The following WDR41 variants were observed in gnomAD, a reference collection of about 807,000 sequenced individuals.
The protein encoded by WDR41 is WD repeat domain 41.
WDR41 carries 63 observed loss-of-function variants against 69.3 expected under a neutral mutation model. The ratio of observed to expected loss-of-function variants is 0.91; its 90% CI spans 0.74 to 1.12. The LOEUF (loss-of-function observed/expected upper bound fraction) is 1.12. WDR41 is among the 50% of genes most tolerant of loss of function. WDR41 has a pLI of 0.00. For missense variants in WDR41, 543 were observed against 534.5 expected, an observed-to-expected ratio of 1.02 and a Z score of -0.16; for synonymous variants, 185 against 192.1, an observed-to-expected ratio of 0.96 and a Z score of 0.31.
At chr5:77,532,558 T>C (rs1331539202) in intron 1 of WDR41, among the ~76,000 whole-genome samples, 1 of 152,078 alleles carries the variant, frequency 6.6e-6, no homozygotes, top group East Asian at 1.9e-4. Flanking sequence ...CAAATGTTTA[T>C]CAACAGTAGA....
intron 4 of WDR41, among the ~76,000 whole-genome samples, chr5:77,460,420 G>T (rs971820822): frequency 4.6e-5 from 7 of 152,114 alleles, no homozygotes; most frequent in African/African-American, 1.7e-4. Context: ...AATTCTAGTA[G>T]TATCTCACAG....
intron 1 of WDR41, among the ~76,000 whole-genome samples, chr5:77,606,768 AT>A (rs1299879930): frequency 6.6e-6 from 1 of 152,086 alleles, no homozygotes; most frequent in African/African-American, 2.4e-5. Flanking sequence ...GTGCCACTGC[AT>A]TCCAGCCTAC....
chr5:77,562,164 G>A (rs191833223), intron 1 of WDR41, among the ~76,000 whole-genome samples: 52 of 152,248 alleles, frequency 3.4e-4, no homozygotes, highest in Non-Finnish European at 6.8e-4. Flanking sequence ...TTGATTTAGT[G>A]CCGATCTGCT....
intron 1 of WDR41, among the ~76,000 whole-genome samples, chr5:77,539,249 G>T (rs1262915575): frequency 6.6e-6 from 1 of 152,130 alleles, no homozygotes; most frequent in Non-Finnish European, 1.5e-5. Flanking sequence ...TGAATTCATT[G>T]CACCATCTGC....
intron 12 of WDR41, among the ~76,000 whole-genome samples, chr5:77,434,532 C>T (rs1467987476): frequency 1.3e-5 from 2 of 151,912 alleles, no homozygotes; most frequent in African/African-American, 2.4e-5. Context: ...TGGTGACACC[C>T]CATCTCTACT....
chr5:77,501,949 A>G (rs1197273309), intron 1 of WDR41, among the ~76,000 whole-genome samples: 1 of 152,208 alleles, frequency 6.6e-6, no homozygotes, highest in Non-Finnish European at 1.5e-5. Context: ...TGAAAATTCT[A>G]AACACCAGAG....
chr5:77,569,136 A>T (rs935441914), intron 1 of WDR41, among the ~76,000 whole-genome samples: 3 of 152,152 alleles, frequency 2.0e-5, no homozygotes, highest in Admixed American at 1.3e-4. Flanking sequence ...TAATGTTTTT[A>T]AAAAAGAAAA....
chr5:77,537,758 A>G (rs1173201064), intron 1 of WDR41, among the ~76,000 whole-genome samples: 1 of 152,214 alleles, frequency 6.6e-6, no homozygotes, highest in African/African-American at 2.4e-5. Context: ...AAGAGCATCA[A>G]GAATATAGAA....
chr5:77,493,821 T>A (rs1801893952), upstream of WDR41, among the ~76,000 whole-genome samples: 1 of 152,184 alleles, frequency 6.6e-6, no homozygotes, highest in Non-Finnish European at 1.5e-5. Flanking sequence ...ATCCACATTC[T>A]TTAGGGTTTG....
chr5:77,588,597 A>G (rs943091817), intron 1 of WDR41, among the ~76,000 whole-genome samples: 3 of 152,218 alleles, frequency 2.0e-5, no homozygotes, highest in African/African-American at 7.2e-5. Flanking sequence ...TGTGTTTTCT[A>G]CTTCATCTCA....
intron 1 of WDR41, among the ~76,000 whole-genome samples, chr5:77,508,474 T>C (rs574291651): frequency 6.6e-6 from 1 of 152,342 alleles, no homozygotes; most frequent in South Asian, 2.1e-4. Flanking sequence ...ATTGTCATCA[T>C]AACATCTTTT....
chr5:77,451,279 A>G lies in WDR41; in HGVS notation c.586+12T>C. On this transcript the variant is annotated intron_variant, in intron 7 of 12. Coordinates refer to ENST00000296679, the MANE Select transcript of WDR41 (RefSeq NM_018268.4). ...GTTCAAAATACACAAAAAGAAAAAAATTCATACTCACTCAGTTCTTTGCCA... is the reference window on the plus strand; with the variant it reads ...GTTCAAAATACACAAAAAGAAAAAAGTTCATACTCACTCAGTTCTTTGCCA... 6.2e-7 allele frequency: 1 copy of G among 1,613,290 alleles called. No individual in the cohort carries two copies. The highest frequency in any genetic ancestry group is 8.5e-7 in the Non-Finnish European group (1 of 1,179,554).
At chr5:77,601,867 C>G (rs1209059723) in intron 1 of WDR41, among the ~76,000 whole-genome samples, 1 of 152,144 alleles carries the variant, frequency 6.6e-6, no homozygotes, top group African/African-American at 2.4e-5. Flanking sequence ...TTATGTAGCA[C>G]ATGCAATATT....
At chr5:77,620,070 A>G (rs1744751495) in intron 1 of WDR41, among the ~76,000 whole-genome samples, 1 of 152,116 alleles carries the variant, frequency 6.6e-6, no homozygotes, top group African/African-American at 2.4e-5. Flanking sequence ...TAAGAAACAA[A>G]TACCCGTGTT....
chr5:77,519,659 A>G (rs1045927536), intron 1 of WDR41, among the ~76,000 whole-genome samples: 1 of 151,932 alleles, frequency 6.6e-6, no homozygotes, highest in African/African-American at 2.4e-5. Context: ...TTGAATAATT[A>G]AAAATATTTT....
intron 4 of WDR41, 130 bp from the exon 5 acceptor site, chr5:77,459,254 G>A (rs773730857): frequency 3.2e-6 from 2 of 616,674 alleles, no homozygotes; most frequent in Non-Finnish European, 2.8e-6. Flanking sequence ...AATATTTAGT[G>A]TTTATACCAC....
At chr5:77,439,685 A>G (rs1799083708) in intron 9 of WDR41, among the ~76,000 whole-genome samples, 1 of 152,270 alleles carries the variant, frequency 6.6e-6, no homozygotes, top group Non-Finnish European at 1.5e-5. Context: ...ATAGAAGGAA[A>G]GAACTCACAA....
chr5:77,514,266 T>G (rs1360198074), intron 1 of WDR41, among the ~76,000 whole-genome samples: 3 of 152,160 alleles, frequency 2.0e-5, no homozygotes, highest in Non-Finnish European at 4.4e-5. Flanking sequence ...GTGCTACGTG[T>G]TTTCCAGTTA....
intron 1 of WDR41, among the ~76,000 whole-genome samples, chr5:77,508,551 T>C (rs2112167585): frequency 6.6e-6 from 1 of 152,378 alleles, no homozygotes; most frequent in South Asian, 2.1e-4. Context: ...TTTTCATCTA[T>C]TAAATCCAAG....
Sources: gnomAD v4.1 joint callset for allele counts (sites outside exome capture counted in the v4.1 genomes callset) on GRCh38, gnomAD v4.1.1 for gene constraint, MANE v1.5 for transcripts, NCBI Gene and HGNC (gene_info 2026-07-23, HGNC 2026-07-21) for gene names.